PKNOX2: variants seen among roughly 807,000 people sequenced by gnomAD.
The protein encoded by PKNOX2 is PBX/knotted 1 homeobox 2, also known as homeobox protein PKNOX2.
Under a neutral mutation model 53.1 loss-of-function variants are expected in PKNOX2, and 14 were observed. That is an observed-to-expected ratio of 0.26 (90% CI 0.17 to 0.41). PKNOX2 has a LOEUF of 0.41. Among genes scored for constraint, PKNOX2 ranks in the 10% least tolerant of loss-of-function variants. The probability of loss-of-function intolerance (pLI) is 1.00; values close to 1 mark genes in which losing one functional copy is unlikely to be tolerated. For missense variants in PKNOX2, 496 were observed against 602.8 expected (o/e 0.82, Z 1.85); for synonymous variants, 257 against 242.8 (o/e 1.06, Z -0.54).
At chr11:125,358,406 T>C (rs1381698717) in intron 4 of PKNOX2, among the ~76,000 whole-genome samples, 1 of 152,144 alleles carries the variant, frequency 6.6e-6, no homozygotes, top group African/African-American at 2.4e-5. Context: ...CCCGGGAAAA[T>C]GCACAAAGCT....
chr11:125,425,533 GC>G (rs1255108285), intron 10 of PKNOX2, among the ~76,000 whole-genome samples: 1 of 138,158 alleles, frequency 7.2e-6, no homozygotes, highest in African/African-American at 2.6e-5. Context: ...CAGCCACTGT[GC>G]CTTGATGGTT....
At chr11:125,203,194 T>A (rs977980276) in intron 1 of PKNOX2, among the ~76,000 whole-genome samples, 1 of 152,162 alleles carries the variant, frequency 6.6e-6, no homozygotes, top group Non-Finnish European at 1.5e-5. Flanking sequence ...CATGGCTCAC[T>A]GCAGCCTCAA....
At chr11:125,195,749 G>T in intron 1 of PKNOX2, among the ~76,000 whole-genome samples, 1 of 152,120 alleles carries the variant, frequency 6.6e-6, no homozygotes, top group East Asian at 1.9e-4. Context: ...CAGTCCCATC[G>T]GCAGATGGCA....
intron 2 of PKNOX2, among the ~76,000 whole-genome samples, chr11:125,237,760 C>A (rs1199525454): frequency 6.6e-6 from 1 of 152,180 alleles, no homozygotes; most frequent in African/African-American, 2.4e-5. Flanking sequence ...GGGTCGATCT[C>A]AACAAGAGTG....
rs546089882 is a variant in PKNOX2 at position 125,248,647 on chromosome 11, TATATG to T, written c.-130+13538_-130+13542del. On this transcript the variant is annotated intron_variant, in intron 2 of 12. Coordinates refer to ENST00000298282, the MANE Select transcript of PKNOX2 (RefSeq NM_001382323.2). ...AAGACATATATACAACACATACACA[TATATG>T]ATATGTGTTATATATAATACATGTT... Among the ~76,000 whole-genome samples the T allele has an allele frequency of 6.7e-4, 100 of 148,976 alleles. 1 individual carries two copies. Among genetic ancestry groups the T allele is most frequent in the South Asian group, 6.3e-3 (30 of 4,780 alleles).
intron 5 of PKNOX2, among the ~76,000 whole-genome samples, chr11:125,382,003 GC>G (rs1356135108): frequency 6.6e-6 from 1 of 152,104 alleles, no homozygotes; most frequent in African/African-American, 2.4e-5. Flanking sequence ...CCTACCCAAA[GC>G]CTAGTGCTAG....
chr11:125,379,129 C>A (rs1035063285), intron 5 of PKNOX2, among the ~76,000 whole-genome samples: 5 of 148,836 alleles, frequency 3.4e-5, no homozygotes, highest in Non-Finnish European at 7.4e-5. Context: ...GGCGAGATGT[C>A]GGCTCACTGC....
chr11:125,391,489 T>G (rs879623978), intron 6 of PKNOX2, among the ~76,000 whole-genome samples: 10 of 152,322 alleles, frequency 6.6e-5, no homozygotes, highest in South Asian at 2.1e-4. Context: ...GCCCAACACA[T>G]TTGCATACAT....
intron 2 of PKNOX2, among the ~76,000 whole-genome samples, chr11:125,326,243 C>T: frequency 6.6e-6 from 1 of 152,210 alleles, no homozygotes; most frequent in East Asian, 1.9e-4. Context: ...GGGCAAGAGG[C>T]TGAGTTCATT....
At chr11:125,410,082 C>T (rs909856241) in intron 7 of PKNOX2, 114 bp from the exon 8 acceptor site, 3 of 1,420,678 alleles carry the variant, frequency 2.1e-6, no homozygotes, top group African/African-American at 1.4e-5. Flanking sequence ...TGGGGAGGAG[C>T]TAGAAGGAGG....
At chr11:125,411,091 A>G (rs1955482509) in intron 9 of PKNOX2, 2 of 510,648 alleles carry the variant, frequency 3.9e-6, no homozygotes, top group Non-Finnish European at 7.1e-6. Context: ...GGTTACATCA[A>G]AGGATCCTGC....
intron 5 of PKNOX2, among the ~76,000 whole-genome samples, chr11:125,380,064 T>A (rs1591549341): frequency 6.6e-6 from 1 of 152,178 alleles, no homozygotes; most frequent in East Asian, 1.9e-4. Flanking sequence ...TTATTCGCGA[T>A]CATCTCTTCT....
chr11:125,404,963 C>T (rs1954987422), intron 7 of PKNOX2, among the ~76,000 whole-genome samples: 1 of 152,182 alleles, frequency 6.6e-6, no homozygotes, highest in Non-Finnish European at 1.5e-5. Context: ...CCCCACCCGC[C>T]CCGAGCCCAG....
intron 1 of PKNOX2, among the ~76,000 whole-genome samples, chr11:125,224,021 C>T (rs1307317725): frequency 1.3e-5 from 2 of 152,272 alleles, no homozygotes; most frequent in Non-Finnish European, 2.9e-5. Context: ...CTTGAGAAGG[C>T]AGCGGCTGCT....
In PKNOX2 at chr11:125,166,054, G is replaced by C. The variant is rs550049038; in HGVS notation, c.-201+1278G>C. ...GTGGATCGGCCTGAATTAGGGCTGG[G>C]TTTTAGGACCAGTCTAGAGTTCGGT... On this transcript the variant is annotated intron_variant, in intron 1 of 12. Transcript: ENST00000298282. The surrounding 1 kb of genome is among the most constrained non-coding windows in gnomAD (Gnocchi z 4.0). Among the ~76,000 whole-genome samples the C allele has an allele frequency of 2.4e-4, 36 of 152,186 alleles. No homozygotes were observed. Among genetic ancestry groups the C allele is most frequent in the Non-Finnish European group, 4.6e-4 (31 of 68,008 alleles).
chr11:125,216,309 C>T (rs1940488486), intron 1 of PKNOX2, among the ~76,000 whole-genome samples: 1 of 152,176 alleles, frequency 6.6e-6, no homozygotes, highest in African/African-American at 2.4e-5. Flanking sequence ...TCCTGACAGG[C>T]CACGGTGTGA....
intron 2 of PKNOX2, among the ~76,000 whole-genome samples, chr11:125,248,337 G>A (rs897327479): frequency 2.6e-5 from 4 of 152,108 alleles, no homozygotes; most frequent in African/African-American, 9.7e-5. Flanking sequence ...TTGGTATACT[G>A]AGCAGACTGG....
chr11:125,173,515 T>C (rs1314451225), intron 1 of PKNOX2, among the ~76,000 whole-genome samples: 1 of 152,342 alleles, frequency 6.6e-6, no homozygotes, highest in Middle Eastern at 3.4e-3. Flanking sequence ...CCAAGATCTT[T>C]CATAAAAGAA....
intron 4 of PKNOX2, among the ~76,000 whole-genome samples, chr11:125,356,796 C>A (rs970673894): frequency 6.6e-6 from 1 of 152,230 alleles, no homozygotes; most frequent in Non-Finnish European, 1.5e-5. Context: ...TCATTAGGAT[C>A]CCCATGCTGG....
Sources: gnomAD v4.1 joint callset for allele counts (sites outside exome capture counted in the v4.1 genomes callset) on GRCh38, gnomAD v4.1.1 for gene constraint, Gnocchi (gnomAD v3.1) non-coding constraint, MANE v1.5 for transcripts, NCBI Gene and HGNC (gene_info 2026-07-23, HGNC 2026-07-21) for gene names.